The following CREB1 variants were observed in gnomAD, a reference collection of about 807,000 sequenced individuals.
The protein encoded by CREB1 is cAMP responsive element binding protein 1.
CREB1 carries 2 observed loss-of-function variants against 42.0 expected under a neutral mutation model. The observed-to-expected ratio is 0.05, with a 90% CI of 0.02 to 0.15. The LOEUF is 0.15. Among genes scored for constraint, CREB1 ranks in the 10% least tolerant of loss-of-function variants. CREB1 has a pLI of 1.00. For synonymous variants in CREB1, 123 were observed against 139.9 expected, an observed-to-expected ratio of 0.88 and a Z score of 0.85; for missense variants, 199 against 388.9, an observed-to-expected ratio of 0.51 and a Z score of 4.11.
Position 207,555,762 on chromosome 2 carries a change from T to C in CREB1, c.114+13T>C. The C allele has an allele frequency of 6.5e-7, 1 of 1,540,966 alleles. No homozygotes were observed. The highest frequency in any genetic ancestry group is 9.0e-7 in the Non-Finnish European group (1 of 1,114,132). The stretch of plus-strand genomic sequence containing the variant: ...CACATTAGCCCAGGTATAAAATACA[T>C]GGAGAGATTCCAGTTTGTGTCTCTT... On this transcript the variant is annotated intron_variant, in intron 2 of 7. Transcript: ENST00000353267.
rs1457373708 is a variant in CREB1 at position 207,575,943 on chromosome 2, CCCCCCA to C, written c.688+490_688+495del. ...ATTCTGTTTCTCTGCTTCCCCCCCC[CCCCCCA>C]AAAGAAATTTAAATCTTCTGAGATC... is the stretch of plus-strand genomic sequence containing the variant. On this transcript the variant is annotated intron_variant, in intron 6 of 7. Coordinates refer to ENST00000353267, the MANE Select transcript of CREB1 (RefSeq NM_004379.5). Among the ~76,000 whole-genome samples, 6 of 60,422 alleles carry C rather than the reference CCCCCCA, an allele frequency of 9.9e-5. 1 individual carries two copies. The highest frequency in any genetic ancestry group is 4.5e-3 in the East Asian group (2 of 442). The allele number at this position is 60,422 out of a possible 152,430, so 39.6% of individuals were successfully genotyped here. A position where few individuals can be genotyped will look rare whatever the true frequency, so the allele number is the denominator to read the frequency against.
At chr2:207,589,524 TCA>T (rs1308901188) in intron 7 of CREB1, among the ~76,000 whole-genome samples, 2 of 152,214 alleles carry the variant, frequency 1.3e-5, no homozygotes, top group African/African-American at 2.4e-5. Flanking sequence ...GGTAACATAC[TCA>T]CACACTGCAG....
intron 3 of CREB1, among the ~76,000 whole-genome samples, chr2:207,563,271 C>T (rs752082422): frequency 3.3e-5 from 5 of 152,288 alleles, no homozygotes; most frequent in African/African-American, 9.6e-5. Context: ...CAATTTACAA[C>T]GTAAGTTTGT....
intron 5 of CREB1, among the ~76,000 whole-genome samples, chr2:207,572,379 A>G (rs1312546270): frequency 6.6e-6 from 1 of 152,220 alleles, no homozygotes; most frequent in Non-Finnish European, 1.5e-5. Context: ...TAAGAGCAAT[A>G]TAATAAATAC....
chr2:207,559,726 C>G (rs1458965237), intron 2 of CREB1, among the ~76,000 whole-genome samples: 1 of 152,174 alleles, frequency 6.6e-6, no homozygotes, highest in Non-Finnish European at 1.5e-5. Context: ...TAGAACGTGA[C>G]TTATTTAACA....
In CREB1 at chr2:207,584,974, T is replaced by C. The variant is rs185551986; in HGVS notation, c.839+7319T>C. Among the ~76,000 whole-genome samples, 205 of 152,276 alleles carry C rather than the reference T, an allele frequency of 1.3e-3. 1 individual carries two copies. The highest frequency in any genetic ancestry group is 1.2e-3 in the Non-Finnish European group (80 of 68,020). ...TTGTACATCATGCTTGTGGTATTTATGAATTTTCTGCCTGGATAGGCCCAG... is the reference window on the plus strand; with the variant it reads ...TTGTACATCATGCTTGTGGTATTTACGAATTTTCTGCCTGGATAGGCCCAG... On this transcript the variant is annotated intron_variant, in intron 7 of 7. Coordinates refer to ENST00000353267, the MANE Select transcript of CREB1 (RefSeq NM_004379.5).
chr2:207,554,281 G>C (rs545316912), intron 1 of CREB1, among the ~76,000 whole-genome samples: 1 of 151,998 alleles, frequency 6.6e-6, no homozygotes, highest in African/African-American at 2.4e-5. Context: ...TCTTTTTATA[G>C]AACCTTATGA....
At chr2:207,548,953 T>A (rs1228286039) in intron 1 of CREB1, among the ~76,000 whole-genome samples, 1 of 152,244 alleles carries the variant, frequency 6.6e-6, no homozygotes, top group Non-Finnish European at 1.5e-5. Context: ...GTTAACTTCA[T>A]GTATAACTTT....
At chr2:207,551,543 A>G (rs898204500) in intron 1 of CREB1, among the ~76,000 whole-genome samples, 2 of 152,198 alleles carry the variant, frequency 1.3e-5, no homozygotes, top group African/African-American at 2.4e-5. Flanking sequence ...AGGTTGTATT[A>G]CAGTCTCATG....
At chr2:207,561,235 T>C in intron 3 of CREB1, 2 of 1,289,418 alleles carry the variant, frequency 1.6e-6, no homozygotes, top group Non-Finnish European at 2.2e-6. Context: ...TATGTCTTTG[T>C]CCTTTTCCTC....
chr2:207,595,144 C>T (rs1012286409), intron 7 of CREB1, among the ~76,000 whole-genome samples: 1 of 151,302 alleles, frequency 6.6e-6, no homozygotes, highest in Non-Finnish European at 1.5e-5. Flanking sequence ...TACAGGCACC[C>T]ACCACCATAC....
chr2:207,604,327 C>T lies in CREB1; in HGVS notation c.*7269C>T, dbSNP rs1351974592. ...ACACTCAGGTTGCAAAACACAGGCC[C>T]AAGACAAACTTAACTTCTCCCCCAA... On this transcript the variant is annotated 3_prime_UTR_variant, in exon 8 of 8. Coordinates refer to ENST00000353267, the MANE Select transcript of CREB1 (RefSeq NM_004379.5). Among the ~76,000 whole-genome samples, 1 of 152,186 alleles carries T rather than the reference C, an allele frequency of 6.6e-6. No individual in the cohort carries two copies. Among genetic ancestry groups the T allele is most frequent in the African/African-American group, 2.4e-5 (1 of 41,446 alleles).
rs1266196781 is a variant in CREB1 at position 207,600,775 on chromosome 2, G to C, written c.*3717G>C. 3 of 209,836 alleles carry C rather than the reference G, an allele frequency of 1.4e-5. No individual in the cohort carries two copies. The highest frequency in any genetic ancestry group is 4.5e-5 in the African/African-American group (2 of 44,004). The allele number at this position is 209,836 out of a possible 1,614,324, so 13.0% of individuals were successfully genotyped here. The stretch of plus-strand genomic sequence containing the variant: ...TGTCATCTGGCTGAAGTTTATCTCT[G>C]TCTCTCAGGATAAATCCCTGTAGGA... On this transcript the variant is annotated 3_prime_UTR_variant, in exon 8 of 8. Transcript: ENST00000353267.
At chr2:207,550,785 T>C (rs1327879642) in intron 1 of CREB1, among the ~76,000 whole-genome samples, 1 of 152,200 alleles carries the variant, frequency 6.6e-6, no homozygotes, top group Admixed American at 6.5e-5. Flanking sequence ...CTTGAGTAGA[T>C]GAATTTAAAT....
intron 5 of CREB1, among the ~76,000 whole-genome samples, chr2:207,572,933 GTTAC>G (rs1212858412): frequency 6.6e-6 from 1 of 151,984 alleles, no homozygotes; most frequent in Non-Finnish European, 1.5e-5. Flanking sequence ...AATTCATGCT[GTTAC>G]TAGATTTATC....
At chr2:207,565,038 GT>G (rs34275460) in intron 3 of CREB1, among the ~76,000 whole-genome samples, 24,338 of 144,632 alleles carry the variant, frequency 0.17, 2,096 homozygotes, top group Middle Eastern at 0.2. Context: ...GGTCCAGTAT[GT>G]TTTTTTTTTT....
At chr2:207,566,753 T>G (rs1052996015) in intron 3 of CREB1, among the ~76,000 whole-genome samples, 3 of 152,200 alleles carry the variant, frequency 2.0e-5, no homozygotes, top group African/African-American at 7.2e-5. Flanking sequence ...CTGTGAGTAT[T>G]AAGTAATGTA....
chr2:207,587,090 G>T (rs1165148924), intron 7 of CREB1, among the ~76,000 whole-genome samples: 1 of 152,106 alleles, frequency 6.6e-6, no homozygotes, highest in Non-Finnish European at 1.5e-5. Context: ...ACGGTGTGGA[G>T]GTTTCTCAAA....
chr2:207,555,206 A>G (rs1431820618), intron 1 of CREB1, among the ~76,000 whole-genome samples: 1 of 152,192 alleles, frequency 6.6e-6, no homozygotes, highest in East Asian at 1.9e-4. Context: ...TTATGAAGCC[A>G]ATATCTAATA....
Sources: allele counts gnomAD v4.1 joint callset (sites outside exome capture counted in the v4.1 genomes callset), GRCh38; gene constraint gnomAD v4.1.1; transcripts MANE v1.5; gene names NCBI Gene and HGNC (gene_info 2026-07-23, HGNC 2026-07-21).